Variants in RNF150 observed in about 807,000 individuals in gnomAD.
RNF150 encodes ring finger protein 150.
Under a neutral mutation model 39.3 loss-of-function variants are expected in RNF150, and 24 were observed. The ratio of observed to expected loss-of-function variants is 0.61; its 90% CI spans 0.44 to 0.86. The LOEUF is 0.86. Ranked by LOEUF, RNF150 falls within the 40% of genes least tolerant of loss-of-function variation. The probability of loss-of-function intolerance (pLI) is 0.00; values close to 1 mark genes in which losing one functional copy is unlikely to be tolerated. For synonymous variants in RNF150, 255 were observed against 227.3 expected (o/e 1.12, Z -1.10); for missense variants, 502 against 587.8 (o/e 0.85, Z 1.51).
chr4:140,941,962 TA>T, intron 4 of RNF150, among the ~76,000 whole-genome samples: 1 of 151,980 alleles, frequency 6.6e-6, no homozygotes, highest in African/African-American at 2.4e-5. Context: ...AAGCTCAAAT[TA>T]AAAATAAAAC....
chr4:140,922,410 A>G (rs1184215693), intron 5 of RNF150, among the ~76,000 whole-genome samples: 2 of 149,370 alleles, frequency 1.3e-5, no homozygotes. Flanking sequence ...TCCAACTTAT[A>G]CGGGACGGGA....
intron 1 of RNF150, among the ~76,000 whole-genome samples, chr4:141,116,966 G>A (rs993159797): frequency 1.5e-4 from 22 of 151,176 alleles, no homozygotes; most frequent in African/African-American, 4.9e-4. Context: ...ACAGGAAGGG[G>A]AACATCACAC....
intron 1 of RNF150, among the ~76,000 whole-genome samples, chr4:141,012,415 G>GGT (rs1379783794): frequency 1.3e-5 from 2 of 152,174 alleles, no homozygotes; most frequent in Admixed American, 1.3e-4. Context: ...ATTACAATAT[G>GGT]GTGTGTATGT....
At chr4:141,039,691 A>G (rs1010350603) in intron 1 of RNF150, among the ~76,000 whole-genome samples, 1 of 152,130 alleles carries the variant, frequency 6.6e-6, no homozygotes, top group Non-Finnish European at 1.5e-5. Flanking sequence ...CTCAAGCTCT[A>G]GCTTAGCTAA....
intron 1 of RNF150, among the ~76,000 whole-genome samples, chr4:141,184,276 C>T (rs1167490929): frequency 6.6e-6 from 1 of 151,958 alleles, no homozygotes; most frequent in Non-Finnish European, 1.5e-5. Context: ...GAGCCTTTTT[C>T]CATGTTTGTT....
chr4:140,922,686 A>C (rs1197611070), intron 5 of RNF150, among the ~76,000 whole-genome samples: 1 of 152,112 alleles, frequency 6.6e-6, no homozygotes, highest in Non-Finnish European at 1.5e-5. Context: ...AAAAGAACAA[A>C]GCTGGAGGCA....
intron 1 of RNF150, among the ~76,000 whole-genome samples, chr4:141,040,975 G>A (rs1285017118): frequency 6.6e-6 from 1 of 152,092 alleles, no homozygotes; most frequent in Admixed American, 6.6e-5. Context: ...GTGCCTGGTT[G>A]AGAAAACTTT....
At chr4:141,012,873 G>A (rs962952278) in intron 1 of RNF150, among the ~76,000 whole-genome samples, 35 of 151,648 alleles carry the variant, frequency 2.3e-4, no homozygotes, top group Non-Finnish European at 5.9e-5. Context: ...GGAGAGAGCA[G>A]GTGTAAGAAA....
At chr4:141,086,873 G>A (rs1560731274) in intron 1 of RNF150, among the ~76,000 whole-genome samples, 1 of 152,018 alleles carries the variant, frequency 6.6e-6, no homozygotes, top group Non-Finnish European at 1.5e-5. Context: ...TGGTACTTCA[G>A]GAAACCTTTC....
At chr4:141,169,275 T>C (rs531948412) in intron 1 of RNF150, among the ~76,000 whole-genome samples, 1 of 152,232 alleles carries the variant, frequency 6.6e-6, no homozygotes, top group Non-Finnish European at 1.5e-5. Flanking sequence ...AGGACGTGTC[T>C]ACTTCCCCTT....
rs555441408 is a variant in RNF150 at position 140,913,312 on chromosome 4, C to A, written c.988-1958G>T. 2.0e-5 allele frequency among the ~76,000 whole-genome samples: 3 copies of A among 152,234 alleles called. No individual in the cohort carries two copies. In the South Asian group the frequency reaches 6.2e-4, roughly 32 times the overall value. On this transcript the variant is annotated intron_variant, in intron 5 of 6. Transcript: ENST00000515673. ...ACCATGGGTATGTTTCTCCTCTTCT[C>A]CCAAGGAAGGAATTACATGCTCCCT...
chr4:141,190,084 G>C (rs1728078172), intron 1 of RNF150, among the ~76,000 whole-genome samples: 1 of 152,108 alleles, frequency 6.6e-6, no homozygotes. Context: ...AAGGGAGGTA[G>C]TTCACTGGCC....
At chr4:140,948,030 GAA>G (rs1240964463) in intron 3 of RNF150, among the ~76,000 whole-genome samples, 1 of 152,238 alleles carries the variant, frequency 6.6e-6, no homozygotes, top group African/African-American at 2.4e-5. Flanking sequence ...TTCAGGATGA[GAA>G]ATAATATTTG....
intron 1 of RNF150, among the ~76,000 whole-genome samples, chr4:141,070,361 A>C (rs1259235393): frequency 2.0e-5 from 3 of 151,008 alleles, no homozygotes; most frequent in Non-Finnish European, 3.0e-5. Context: ...CAATGGCAAC[A>C]AAAGCCAAAA....
At chr4:141,157,727 C>T (rs1237641407) in intron 1 of RNF150, among the ~76,000 whole-genome samples, 1 of 152,164 alleles carries the variant, frequency 6.6e-6, no homozygotes, top group Non-Finnish European at 1.5e-5. Context: ...CATATTACCA[C>T]CTCCTATTTG....
At chr4:140,930,948 T>A (rs1216734499) in intron 4 of RNF150, among the ~76,000 whole-genome samples, 1 of 151,676 alleles carries the variant, frequency 6.6e-6, no homozygotes, top group East Asian at 1.9e-4. Context: ...TGGGGTTTTT[T>A]TTTGTTTGCT....
chr4:140,927,892 G>A (rs1731461421), intron 4 of RNF150, among the ~76,000 whole-genome samples: 1 of 151,752 alleles, frequency 6.6e-6, no homozygotes, highest in Non-Finnish European at 1.5e-5. Flanking sequence ...CAAGTGATCT[G>A]CCCACCTCAG....
At chr4:140,888,602 A>T (rs546122508) in intron 6 of RNF150, among the ~76,000 whole-genome samples, 15 of 152,340 alleles carry the variant, frequency 9.8e-5, no homozygotes, top group African/African-American at 3.6e-4. Context: ...AAGCTGCTCA[A>T]CAAGGTAAGG....
intron 4 of RNF150, among the ~76,000 whole-genome samples, chr4:140,931,442 G>GT (rs773158104): frequency 1.3e-3 from 205 of 152,294 alleles, no homozygotes; most frequent in Non-Finnish European, 2.4e-3. Context: ...TTGGAAAGCA[G>GT]TATTTTTCCT....
Sources: gnomAD v4.1 joint callset for allele counts (sites outside exome capture counted in the v4.1 genomes callset) on GRCh38, gnomAD v4.1.1 for gene constraint, MANE v1.5 for transcripts, NCBI Gene and HGNC (gene_info 2026-07-23, HGNC 2026-07-21) for gene names.